Variants in SCFD2 observed in about 807,000 individuals in gnomAD.
The protein encoded by SCFD2 is sec1 family domain-containing protein 2.
Under a neutral mutation model 58.9 loss-of-function variants are expected in SCFD2, and 54 were observed. That is an observed-to-expected ratio of 0.92 (90% CI 0.74 to 1.15). The LOEUF (loss-of-function observed/expected upper bound fraction) is 1.15. Among genes scored for constraint, SCFD2 ranks in the 50% most tolerant of loss-of-function variants. The pLI is 0.00. For synonymous variants in SCFD2, 321 were observed against 335.9 expected, an observed-to-expected ratio of 0.96 and a Z score of 0.49; for missense variants, 805 against 836.6, an observed-to-expected ratio of 0.96 and a Z score of 0.47.
intron 5 of SCFD2, among the ~76,000 whole-genome samples, chr4:53,105,382 G>A (rs558374956): frequency 6.6e-6 from 1 of 151,620 alleles, no homozygotes; most frequent in Admixed American, 6.6e-5. Context: ...GGAGCCAAGT[G>A]GTCTAGCTCA....
intron 4 of SCFD2, among the ~76,000 whole-genome samples, chr4:53,203,631 A>G (rs772816082): frequency 6.6e-5 from 10 of 152,124 alleles, no homozygotes; most frequent in Non-Finnish European, 1.5e-4. Flanking sequence ...AAGCCAATGA[A>G]TAAGGTTAAA....
In SCFD2 at chr4:53,236,812, A is replaced by T. The variant is rs1285910448; in HGVS notation, c.1311+37014T>A. ...TCTAACTACTTAAAGTCACTGTTTT[A>T]TTTATTTATTTATTTATTTATTTAT... On this transcript the variant is annotated intron_variant, in intron 4 of 8. Coordinates refer to ENST00000401642, the MANE Select transcript of SCFD2 (RefSeq NM_152540.4). Among the ~76,000 whole-genome samples, 19 of 29,040 alleles carry T rather than the reference A, an allele frequency of 6.5e-4. No individual in the cohort carries two copies. The South Asian group carries it at 8.4e-3, about 13-fold the overall frequency. 19.1% of individuals were successfully genotyped at this position (29,040 alleles called of 152,430 possible).
intron 5 of SCFD2, among the ~76,000 whole-genome samples, chr4:53,110,281 TA>T (rs1320098547): frequency 1.3e-5 from 2 of 152,016 alleles, no homozygotes; most frequent in African/African-American, 4.8e-5. Flanking sequence ...CCTAACACCA[TA>T]AAAACCCTAG....
At chr4:52,927,546 T>C (rs1437660655) in intron 5 of SCFD2, among the ~76,000 whole-genome samples, 7 of 152,252 alleles carry the variant, frequency 4.6e-5, no homozygotes, top group Non-Finnish European at 8.8e-5. Context: ...CCATTTTTAC[T>C]GAGTCTTTCA....
chr4:53,035,706 C>A (rs974383404), intron 5 of SCFD2, among the ~76,000 whole-genome samples: 10 of 152,138 alleles, frequency 6.6e-5, no homozygotes, highest in African/African-American at 2.4e-4. Context: ...ATTTATGCAG[C>A]CAACAGACAT....
intron 5 of SCFD2, among the ~76,000 whole-genome samples, chr4:53,107,236 T>C (rs1455757094): frequency 2.0e-5 from 3 of 151,968 alleles, no homozygotes; most frequent in Non-Finnish European, 2.9e-5. Flanking sequence ...GCACTAAACA[T>C]GGAAAGGAAA....
intron 5 of SCFD2, among the ~76,000 whole-genome samples, chr4:53,118,703 G>C (rs1437723568): frequency 6.6e-6 from 1 of 152,168 alleles, no homozygotes; most frequent in Admixed American, 6.5e-5. Context: ...ACAAAACTGA[G>C]AAGTAAGAAC....
intron 5 of SCFD2, among the ~76,000 whole-genome samples, chr4:53,083,440 C>T (rs1275598595): frequency 6.6e-6 from 1 of 152,074 alleles, no homozygotes; most frequent in Non-Finnish European, 1.5e-5. Context: ...ATACTTCCAA[C>T]CTTATTCTGT....
At chr4:52,938,962 G>A (rs1172715936) in intron 5 of SCFD2, among the ~76,000 whole-genome samples, 1 of 152,166 alleles carries the variant, frequency 6.6e-6, no homozygotes, top group Non-Finnish European at 1.5e-5. Flanking sequence ...CTTCTGAGCT[G>A]AAGCCTTTAA....
At chr4:53,176,498 A>G (rs527660759) in intron 4 of SCFD2, among the ~76,000 whole-genome samples, 1 of 152,316 alleles carries the variant, frequency 6.6e-6, no homozygotes, top group South Asian at 2.1e-4. Flanking sequence ...ACCACACCCT[A>G]AATTGCCTTT....
intron 5 of SCFD2, among the ~76,000 whole-genome samples, chr4:53,101,957 A>G (rs1474141811): frequency 6.6e-6 from 1 of 152,232 alleles, no homozygotes; most frequent in Non-Finnish European, 1.5e-5. Flanking sequence ...CAAGAAAAAC[A>G]ATGAAAAGAA....
intron 4 of SCFD2, among the ~76,000 whole-genome samples, chr4:53,175,884 A>G (rs970340039): frequency 2.0e-5 from 3 of 152,176 alleles, no homozygotes; most frequent in African/African-American, 7.2e-5. Context: ...AGGAATCTTT[A>G]TATCTTCCTA....
chr4:53,250,646 T>G (rs1329516576), intron 4 of SCFD2, among the ~76,000 whole-genome samples: 1 of 152,192 alleles, frequency 6.6e-6, no homozygotes, highest in Non-Finnish European at 1.5e-5. Flanking sequence ...GAATGAATAC[T>G]GGGTAAATAA....
chr4:53,108,753 A>G (rs1326806955), intron 5 of SCFD2, among the ~76,000 whole-genome samples: 1 of 152,180 alleles, frequency 6.6e-6, no homozygotes, highest in Non-Finnish European at 1.5e-5. Flanking sequence ...AAAGCCCAGG[A>G]CCAGACAGAG....
intron 4 of SCFD2, among the ~76,000 whole-genome samples, chr4:53,236,954 G>C (rs932088429): frequency 5.3e-5 from 8 of 151,516 alleles, no homozygotes; most frequent in African/African-American, 7.3e-5. Context: ...GTGAACAAAG[G>C]TCTCTGGTTT....
intron 5 of SCFD2, 111 bp from the exon 6 acceptor site, chr4:52,920,981 A>G (rs1281028865): frequency 6.4e-6 from 3 of 467,696 alleles, no homozygotes; most frequent in East Asian, 7.1e-5. Context: ...CTTTATTATT[A>G]TTATTATTAT....
rs550148645 is a variant in SCFD2, at chr4:53,252,622, C to G, written c.1311+21204G>C. ...TGATCTTTGACAATCCTGAGAAAAA[C>G]AAGCAATGGGGAAAGGATTCCCTAT... On this transcript the variant is annotated intron_variant, in intron 4 of 8. Coordinates refer to ENST00000401642, the MANE Select transcript of SCFD2 (RefSeq NM_152540.4). Among the ~76,000 whole-genome samples, 75 of 151,882 alleles carry G rather than the reference C, an allele frequency of 4.9e-4. 1 individual carries two copies. The highest frequency in any genetic ancestry group is 1.6e-3 in the African/African-American group (66 of 41,422).
Position 53,243,238 on chromosome 4 carries a change from G to C in SCFD2, c.1311+30588C>G, listed in dbSNP as rs569991772. Among the ~76,000 whole-genome samples, 10 of 152,176 alleles carry C rather than the reference G, an allele frequency of 6.6e-5. No homozygotes were observed. The South Asian group carries it at 2.1e-3, about 32-fold the overall frequency. ...TTAAGGCAGCTAAACAGAAAGTATA[G>C]GTCACCTATACAGGGAAGCCCATCA... On this transcript the variant is annotated intron_variant, in intron 4 of 8. Coordinates refer to ENST00000401642, the MANE Select transcript of SCFD2 (RefSeq NM_152540.4).
chr4:53,283,856 G>A (rs1731579515), intron 3 of SCFD2, among the ~76,000 whole-genome samples: 2 of 151,970 alleles, frequency 1.3e-5, no homozygotes, highest in Non-Finnish European at 1.5e-5. Flanking sequence ...GGTGTCTCAC[G>A]CATGTAATCC....
Sources: gnomAD v4.1 joint callset for allele counts (sites outside exome capture counted in the v4.1 genomes callset) on GRCh38, gnomAD v4.1.1 for gene constraint, MANE v1.5 for transcripts, NCBI Gene and HGNC (gene_info 2026-07-23, HGNC 2026-07-21) for gene names.